Variants in ATL1 observed in about 807,000 individuals in gnomAD.
ATL1 encodes the protein atlastin GTPase 1.
Under a neutral mutation model 75.5 loss-of-function variants are expected in ATL1, and 31 were observed. The ratio of observed to expected loss-of-function variants is 0.41; its 90% CI spans 0.31 to 0.55. The LOEUF is 0.55. Among genes scored for constraint, ATL1 ranks in the 20% least tolerant of loss-of-function variants. The pLI, the probability that ATL1 is intolerant of heterozygous loss-of-function variation, is 0.27. For missense variants in ATL1, 405 were observed against 662.6 expected, an observed-to-expected ratio of 0.61 and a Z score of 4.27; for synonymous variants, 226 against 233.3, an observed-to-expected ratio of 0.97 and a Z score of 0.28.
At chr14:50,608,979 A>C (rs2039338894) in intron 6 of ATL1, among the ~76,000 whole-genome samples, 1 of 152,010 alleles carries the variant, frequency 6.6e-6, no homozygotes, top group African/African-American at 2.4e-5. Context: ...AAGAATCTAC[A>C]AAACAAAATA....
chr14:50,610,884 C>T (rs2084647941), intron 6 of ATL1, among the ~76,000 whole-genome samples: 1 of 152,090 alleles, frequency 6.6e-6, no homozygotes, highest in African/African-American at 2.4e-5. Flanking sequence ...CCCCTTCTAG[C>T]AATAGAACTC....
chr14:50,552,636 A>C (rs2038716525), intron 1 of ATL1, among the ~76,000 whole-genome samples: 1 of 152,216 alleles, frequency 6.6e-6, no homozygotes, highest in African/African-American at 2.4e-5. Flanking sequence ...ATAGTTACCA[A>C]AACAACGTGG....
chr14:50,533,706 CT>C (rs1308551404), intron 1 of ATL1, among the ~76,000 whole-genome samples: 5 of 152,128 alleles, frequency 3.3e-5, no homozygotes, highest in African/African-American at 1.2e-4. Context: ...GAGATGTTGG[CT>C]TGTGGCTTTG....
chr14:50,591,092 C>G lies in ATL1; in HGVS notation c.417+17C>G. ...GGTAAAAAGGTATGATGCTAACTTC[C>G]TAAATAAAATTGAGTTTTCACTTAT... On this transcript the variant is annotated intron_variant, in intron 3 of 13. Coordinates refer to ENST00000358385, the MANE Select transcript of ATL1 (RefSeq NM_015915.5). The G allele has an allele frequency of 6.2e-7, 1 of 1,610,744 alleles. No homozygotes were observed. Among genetic ancestry groups the G allele is most frequent in the Non-Finnish European group, 8.5e-7 (1 of 1,178,128 alleles).
At chr14:50,578,230 T>C (rs1421439729) in intron 1 of ATL1, among the ~76,000 whole-genome samples, 1 of 152,202 alleles carries the variant, frequency 6.6e-6, no homozygotes, top group African/African-American at 2.4e-5. Flanking sequence ...TAAACAAATA[T>C]CACAACTCAG....
rs774354574 is a variant in ATL1, at chr14:50,613,345, C to T, written c.717C>T (p.Arg239=). 1.2e-6 allele frequency: 2 copies of T among 1,611,980 alleles called. No individual in the cohort carries two copies. Among genetic ancestry groups the T allele is most frequent in the African/African-American group, 1.3e-5 (1 of 74,912 alleles). The change falls in exon 7 of 14, where the codon CGC becomes CGT. Residue 239 remains arginine, a synonymous_variant. Coordinates refer to ENST00000358385, the MANE Select transcript of ATL1 (RefSeq NM_015915.5). ...ADGGAKFLEK[R]LKVSGNQHEE... ...GTGGTGCCAAATTCTTGGAAAAACG[C>T]CTCAAGGTTTGTTAGATATTTAGGT...
intron 6 of ATL1, among the ~76,000 whole-genome samples, chr14:50,601,787 T>G (rs1396972672): frequency 2.6e-5 from 4 of 152,224 alleles, no homozygotes; most frequent in African/African-American, 9.6e-5. Context: ...ACTAGGTTCT[T>G]TATATTAGCT....
At chr14:50,609,853 G>T (rs1380085552) in intron 6 of ATL1, among the ~76,000 whole-genome samples, 1 of 152,020 alleles carries the variant, frequency 6.6e-6, no homozygotes, top group African/African-American at 2.4e-5. Context: ...TTGGGGGAAA[G>T]AAAACTGTTA....
intron 1 of ATL1, among the ~76,000 whole-genome samples, chr14:50,561,828 G>A (rs531291570): frequency 6.6e-6 from 1 of 152,244 alleles, no homozygotes; most frequent in African/African-American, 2.4e-5. Flanking sequence ...AGCATTTGCA[G>A]TGTATCCCCT....
At chr14:50,555,607 C>T (rs78625105), upstream of ATL1, among the ~76,000 whole-genome samples, 3,601 of 152,200 alleles carry the variant, frequency 0.024, 86 homozygotes, top group East Asian at 0.065. Context: ...TTTGAAGCCA[C>T]GGTATTATCC....
chr14:50,571,924 A>G (rs367974473), intron 1 of ATL1: 1 of 293,580 alleles, frequency 3.4e-6, no homozygotes, highest in East Asian at 9.5e-5. Flanking sequence ...ATACATTCCA[A>G]GTCTTCTAAC....
intron 1 of ATL1, among the ~76,000 whole-genome samples, chr14:50,574,935 G>GTATATA (rs1446555904): frequency 1.9e-3 from 66 of 34,558 alleles, no homozygotes; most frequent in Non-Finnish European, 2.2e-3. Flanking sequence ...GTGTGTGTGT[G>GTATATA]TGTATATATA....
chr14:50,625,981 A>G (rs926760981), intron 11 of ATL1, among the ~76,000 whole-genome samples: 3 of 152,226 alleles, frequency 2.0e-5, no homozygotes, highest in African/African-American at 7.2e-5. Flanking sequence ...CCTATGTAAC[A>G]GTACAGCTGT....
chr14:50,545,352 T>A (rs117145739), intron 1 of ATL1, among the ~76,000 whole-genome samples: 1 of 152,212 alleles, frequency 6.6e-6, no homozygotes, highest in Non-Finnish European at 1.5e-5. Context: ...TATAAAATCC[T>A]GGGCTTTTCT....
chr14:50,597,958 G>GT (rs1304387543), intron 6 of ATL1, among the ~76,000 whole-genome samples: 11 of 152,188 alleles, frequency 7.2e-5, no homozygotes, highest in Admixed American at 4.6e-4. Flanking sequence ...GCCTCCCAAA[G>GT]TGCTGGGATT....
At chr14:50,609,336 A>G (rs1017669754) in intron 6 of ATL1, among the ~76,000 whole-genome samples, 2 of 152,056 alleles carry the variant, frequency 1.3e-5, no homozygotes, top group African/African-American at 4.8e-5. Flanking sequence ...CTTTAAATAA[A>G]TGAATGAATA....
chr14:50,582,176 G>A (rs1360869291), intron 1 of ATL1, among the ~76,000 whole-genome samples: 1 of 151,682 alleles, frequency 6.6e-6, no homozygotes, highest in Non-Finnish European at 1.5e-5. Context: ...CAGATACTTG[G>A]GAGGCTGAGG....
intron 1 of ATL1, among the ~76,000 whole-genome samples, chr14:50,573,921 C>A (rs2038977708): frequency 6.6e-6 from 1 of 152,008 alleles, no homozygotes; most frequent in Non-Finnish European, 1.5e-5. Context: ...ACACTTTTTG[C>A]CCTGAAGTCT....
chr14:50,582,005 T>G (rs3015458), intron 1 of ATL1, among the ~76,000 whole-genome samples: 44,786 of 151,930 alleles, frequency 0.29, 9,362 homozygotes, highest in African/African-American at 0.6. Context: ...AAATGGCCAG[T>G]CGCGGTGGCT....
Sources: allele counts gnomAD v4.1 joint callset (sites outside exome capture counted in the v4.1 genomes callset), GRCh38; gene constraint gnomAD v4.1.1; transcripts MANE v1.5; gene names NCBI Gene and HGNC (gene_info 2026-07-23, HGNC 2026-07-21).